Variants in CHD6 observed in about 807,000 individuals in gnomAD.
CHD6 encodes chromodomain helicase DNA binding protein 6.
A neutral mutation model predicts 276.9 loss-of-function variants in CHD6; 50 were observed. The observed-to-expected ratio is 0.18, with a 90% CI of 0.14 to 0.23. The LOEUF is 0.23. Ranked by LOEUF, CHD6 falls within the 10% of genes least tolerant of loss-of-function variation. The pLI, the probability that CHD6 is intolerant of heterozygous loss-of-function variation, is 1.00. For missense variants in CHD6, 2,564 were observed against 3,365.8 expected (o/e 0.76, Z 5.89); for synonymous variants, 1,173 against 1,229.3 (o/e 0.95, Z 0.96).
At chr20:41,490,769 C>T (rs2043532939) in intron 11 of CHD6, among the ~76,000 whole-genome samples, 1 of 151,984 alleles carries the variant, frequency 6.6e-6, no homozygotes, top group South Asian at 2.1e-4. Context: ...GCTGAGATCA[C>T]ACCATTGCAC....
intron 19 of CHD6, among the ~76,000 whole-genome samples, 168 bp downstream of exon 19, chr20:41,455,632 C>T (rs2048356418): frequency 6.6e-6 from 1 of 152,232 alleles, no homozygotes; most frequent in East Asian, 1.9e-4. Flanking sequence ...CCTATTCAGA[C>T]TTCCTTCCTC....
At chr20:41,609,377 T>C (rs1050244469) in intron 1 of CHD6, among the ~76,000 whole-genome samples, 3 of 152,236 alleles carry the variant, frequency 2.0e-5, no homozygotes, top group Non-Finnish European at 4.4e-5. Flanking sequence ...TTACAAAATG[T>C]TGTGCCCCAT....
At chr20:41,534,151 T>C (rs2044765175) in intron 2 of CHD6, among the ~76,000 whole-genome samples, 1 of 152,178 alleles carries the variant, frequency 6.6e-6, no homozygotes, top group Admixed American at 6.5e-5. Context: ...ACAGCTAAGG[T>C]TGGTGATAGT....
Position 41,499,277 on chromosome 20 carries a change from G to C in CHD6, c.915+18C>G. ...ATCTGTGCTAATGATATAAAAGCTA[G>C]AAACATGAGCCACCAACCTCCTGGA... is the stretch of plus-strand genomic sequence containing the variant. On this transcript the variant is annotated intron_variant, in intron 6 of 36. Coordinates refer to ENST00000373233, the MANE Select transcript of CHD6 (RefSeq NM_032221.5). The C allele has an allele frequency of 6.3e-7, 1 of 1,587,088 alleles. No individual in the cohort carries two copies. The highest frequency in any genetic ancestry group is 8.6e-7 in the Non-Finnish European group (1 of 1,164,966).
At chr20:41,561,657 G>T (rs1441239718) in intron 1 of CHD6, among the ~76,000 whole-genome samples, 2 of 152,138 alleles carry the variant, frequency 1.3e-5, no homozygotes, top group Non-Finnish European at 2.9e-5. Flanking sequence ...TCCTAAAAAT[G>T]AGATGTAAGT....
intron 1 of CHD6, among the ~76,000 whole-genome samples, chr20:41,611,606 AT>A (rs1296733836): frequency 1.3e-5 from 2 of 151,964 alleles, no homozygotes; most frequent in African/African-American, 4.8e-5. Context: ...TAGGTCTGGA[AT>A]GGGGCCCAAA....
intron 2 of CHD6, among the ~76,000 whole-genome samples, chr20:41,549,890 C>T (rs2045118270): frequency 6.6e-6 from 1 of 152,160 alleles, no homozygotes; most frequent in Admixed American, 6.5e-5. Flanking sequence ...CCTCCACCTC[C>T]CAGGTTCAAG....
chr20:41,544,469 C>T (rs544049365), intron 2 of CHD6, among the ~76,000 whole-genome samples: 246 of 152,212 alleles, frequency 1.6e-3, no homozygotes, highest in Non-Finnish European at 2.9e-3. Context: ...TACATGTAAA[C>T]TTACTAGACT....
chr20:41,599,729 A>G (rs1195753677), intron 1 of CHD6, among the ~76,000 whole-genome samples: 3 of 152,232 alleles, frequency 2.0e-5, no homozygotes, highest in East Asian at 1.9e-4. Context: ...CTCTCTGTAC[A>G]CAGCCCTTCC....
intron 16 of CHD6, chr20:41,482,398 TTAAG>T (rs543267839): frequency 2.0e-5 from 6 of 305,220 alleles, no homozygotes; most frequent in African/African-American, 9.0e-5. Flanking sequence ...TTATGTTACA[TTAAG>T]TGTCAGCATA....
At chr20:41,501,015 C>A (rs2043817926) in intron 5 of CHD6, among the ~76,000 whole-genome samples, 1 of 152,122 alleles carries the variant, frequency 6.6e-6, no homozygotes, top group South Asian at 2.1e-4. Flanking sequence ...TAATGAGCAG[C>A]AAGGACCACT....
chr20:41,559,886 T>TAC (rs72289431), intron 1 of CHD6, among the ~76,000 whole-genome samples: 118 of 149,788 alleles, frequency 7.9e-4, no homozygotes, highest in East Asian at 3.1e-3. Context: ...CACGCACACA[T>TAC]ACACACACAC....
In CHD6 at chr20:41,403,118, T is replaced by C. The variant is rs770431708; in HGVS notation, c.*1475A>G. On this transcript the variant is annotated 3_prime_UTR_variant, in exon 37 of 37. Transcript: ENST00000373233. ...CATAAATAAATAATGCAAAATGAAA[T>C]AGTTATGTCAGACTTTTGGACCTTC... The C allele has an allele frequency of 4.3e-5, 11 of 258,052 alleles. No homozygotes were observed. Among genetic ancestry groups the C allele is most frequent in the Admixed American group, 1.1e-4 (2 of 17,398 alleles). The allele number at this position is 258,052 out of a possible 1,614,324, so 16.0% of individuals were successfully genotyped here. A position where few individuals can be genotyped will look rare whatever the true frequency, so the allele number is the denominator to read the frequency against.
intron 25 of CHD6, among the ~76,000 whole-genome samples, chr20:41,442,546 C>CA (rs1195323756): frequency 6.6e-6 from 1 of 152,204 alleles, no homozygotes; most frequent in Non-Finnish European, 1.5e-5. Context: ...TTAACCAAGG[C>CA]ATGCAGGTGA....
chr20:41,585,511 C>CAAAAAAAAAAA (rs60920576), intron 1 of CHD6, among the ~76,000 whole-genome samples: 1 of 74,232 alleles, frequency 1.3e-5, no homozygotes, highest in Non-Finnish European at 3.1e-5. Flanking sequence ...TCCGTCTCAC[C>CAAAAAAAAAAA]AAAAAAAAAA....
intron 27 of CHD6, among the ~76,000 whole-genome samples, chr20:41,429,957 G>A (rs1305276086): frequency 2.0e-5 from 3 of 152,172 alleles, no homozygotes; most frequent in Non-Finnish European, 4.4e-5. Flanking sequence ...TGAATTCAGG[G>A]GAACTGCTCT....
intron 5 of CHD6, 44 bp downstream of exon 5, chr20:41,512,802 A>AT (rs1295385083): frequency 6.2e-7 from 1 of 1,608,788 alleles, no homozygotes; most frequent in Non-Finnish European, 8.5e-7. Context: ...CTAGGTCAAA[A>AT]TGACTGTCCA....
chr20:41,543,284 G>A (rs759239274), intron 2 of CHD6, among the ~76,000 whole-genome samples: 52 of 152,094 alleles, frequency 3.4e-4, no homozygotes, highest in Non-Finnish European at 5.7e-4. Flanking sequence ...TTGGTCCCAC[G>A]GCTAGTAAGT....
rs2145782238 is a variant in CHD6 at position 41,473,143 on chromosome 20, T to C, written c.2664+179A>G. 1 of 555,210 alleles carries C rather than the reference T, an allele frequency of 1.8e-6. No homozygotes were observed. The highest frequency in any genetic ancestry group is 3.2e-6 in the Non-Finnish European group (1 of 315,356). The allele number at this position is 555,210 out of a possible 1,614,324, so 34.4% of individuals were successfully genotyped here. ...GAAAGAACCACACTCTCTAATTAGT[T>C]GGAAGGGTCGACATTTACTTTTCAT... On this transcript the variant is annotated intron_variant, in intron 17 of 36. Coordinates refer to ENST00000373233, the MANE Select transcript of CHD6 (RefSeq NM_032221.5). The surrounding 1 kb of genome is among the most constrained non-coding windows in gnomAD (Gnocchi z 4.1).
Sources: allele counts gnomAD v4.1 joint callset (sites outside exome capture counted in the v4.1 genomes callset), GRCh38; gene constraint gnomAD v4.1.1; non-coding constraint Gnocchi (gnomAD v3.1); transcripts MANE v1.5; gene names NCBI Gene and HGNC (gene_info 2026-07-23, HGNC 2026-07-21).